Variants in ECPAS observed in about 807,000 individuals in gnomAD.
ECPAS encodes proteasome adapter and scaffold protein ECM29.
Under a neutral mutation model 255.1 loss-of-function variants are expected in ECPAS, and 70 were observed. The ratio of observed to expected loss-of-function variants is 0.27; its 90% CI spans 0.23 to 0.33. ECPAS has a LOEUF of 0.33. Ranked by LOEUF, ECPAS falls within the 10% of genes least tolerant of loss-of-function variation. ECPAS has a pLI of 1.00. For synonymous variants in ECPAS, 784 were observed against 775.0 expected (o/e 1.01, Z -0.19); for missense variants, 1,817 against 2,206.4 (o/e 0.82, Z 3.54).
intron 45 of ECPAS, among the ~76,000 whole-genome samples, chr9:111,369,630 T>C (rs1349044023): frequency 1.3e-5 from 2 of 152,182 alleles, no homozygotes; most frequent in Non-Finnish European, 2.9e-5. Flanking sequence ...ATTATTTAAA[T>C]AGCCTTATTA....
intron 4 of ECPAS, among the ~76,000 whole-genome samples, chr9:111,443,378 GTAGCTGGGA>G (rs2098248474): frequency 6.6e-6 from 1 of 152,086 alleles, no homozygotes; most frequent in Non-Finnish European, 1.5e-5. Context: ...AGTCTCCCAA[GTAGCTGGGA>G]CTACAGGCAC....
At chr9:111,423,048 C>A (rs1188025987) in intron 13 of ECPAS, 151 bp downstream of exon 13, 2 of 595,978 alleles carry the variant, frequency 3.4e-6, no homozygotes, top group African/African-American at 3.7e-5. Flanking sequence ...CTTTTTCCTT[C>A]TACACAGAAG....
intron 2 of ECPAS, among the ~76,000 whole-genome samples, chr9:111,467,289 A>T (rs2098280819): frequency 6.7e-6 from 1 of 150,334 alleles, no homozygotes; most frequent in Non-Finnish European, 1.5e-5. Flanking sequence ...GTTTCCTTTC[A>T]GGACAACCTG....
Position 111,391,737 on chromosome 9 carries a change from A to G in ECPAS, c.3161+19T>C. 1.3e-6 allele frequency: 2 copies of G among 1,500,244 alleles called. No homozygotes were observed. Among genetic ancestry groups the G allele is most frequent in the South Asian group, 1.2e-5 (1 of 86,516 alleles). The allele number at this position is 1,500,244 out of a possible 1,614,324, so 92.9% of individuals were successfully genotyped here. On this transcript the variant is annotated intron_variant, in intron 29 of 49. Coordinates refer to ENST00000684092, the MANE Select transcript of ECPAS (RefSeq NM_001364929.1). ...TATATTTAAAGATGTTTACCATTCA[A>G]TGGATTTAGCATACTTACCCATCTG...
Position 111,361,129 on chromosome 9 carries a change from CAG to C in ECPAS, c.*899_*900del, listed in dbSNP as rs1296736260. 1 of 152,156 alleles carries C rather than the reference CAG, an allele frequency of 6.6e-6. No homozygotes were observed. The highest frequency in any genetic ancestry group is 6.5e-5 in the Admixed American group (1 of 15,280). 9.4% of individuals were successfully genotyped at this position (152,156 alleles called of 1,614,324 possible). The stretch of plus-strand genomic sequence containing the variant: ...GTCATACTGGTAGCATAAAAGTGAA[CAG>C]AAATTTGTCATTACAGTTTTGACAT... On this transcript the variant is annotated 3_prime_UTR_variant, in exon 50 of 50. Transcript: ENST00000684092.
At chr9:111,391,513 G>A (rs759239255) in intron 29 of ECPAS, among the ~76,000 whole-genome samples, 30 of 151,502 alleles carry the variant, frequency 2.0e-4, no homozygotes, top group African/African-American at 5.1e-4. Flanking sequence ...CCCAGGAGGC[G>A]GAGGTTGCAG....
At chr9:111,424,161 A>G (rs768962251) in intron 12 of ECPAS, among the ~76,000 whole-genome samples, 9 of 152,212 alleles carry the variant, frequency 5.9e-5, no homozygotes, top group South Asian at 2.1e-4. Flanking sequence ...GCATCACTCA[A>G]TAGGAGAAAG....
intron 28 of ECPAS, 110 bp from the exon 29 acceptor site, chr9:111,391,934 T>G (rs1202407166): frequency 2.5e-6 from 2 of 793,800 alleles, no homozygotes; most frequent in Non-Finnish European, 4.2e-6. Flanking sequence ...GCATTTACTG[T>G]GTACAAGATA....
At chr9:111,466,758 G>A (rs1377611921) in intron 2 of ECPAS, among the ~76,000 whole-genome samples, 2 of 151,944 alleles carry the variant, frequency 1.3e-5, no homozygotes, top group African/African-American at 2.4e-5. Context: ...CCTCAGCCTT[G>A]GAAGTAGCTA....
chr9:111,423,533 C>T (rs2098217364), intron 12 of ECPAS, among the ~76,000 whole-genome samples: 1 of 152,198 alleles, frequency 6.6e-6, no homozygotes, highest in Non-Finnish European at 1.5e-5. Context: ...TGAAAGGTTT[C>T]TCTTAGCTGG....
At chr9:111,453,761 A>G (rs1283783219) in intron 2 of ECPAS, among the ~76,000 whole-genome samples, 1 of 152,156 alleles carries the variant, frequency 6.6e-6, no homozygotes, top group African/African-American at 2.4e-5. Context: ...CATGAGTACA[A>G]CAACAGAAAA....
Position 111,370,811 on chromosome 9 carries a change from C to G in ECPAS, c.4738-46G>C, listed in dbSNP as rs777054235. The G allele has an allele frequency of 2.6e-6, 4 of 1,515,260 alleles. No individual in the cohort carries two copies. The East Asian group carries it at 9.5e-5, about 36-fold the overall frequency. 93.9% of individuals were successfully genotyped at this position (1,515,260 alleles called of 1,614,324 possible). A position where few individuals can be genotyped will look rare whatever the true frequency, so the allele number is the denominator to read the frequency against. Reference sequence around the variant, plus strand: ...GAAATACTATTAAGCCCAAACATGTCATTTACACTGTCTAAACCATGATTA... The same window carrying G: ...GAAATACTATTAAGCCCAAACATGTGATTTACACTGTCTAAACCATGATTA... On this transcript the variant is annotated intron_variant, in intron 43 of 49. Coordinates refer to ENST00000684092, the MANE Select transcript of ECPAS (RefSeq NM_001364929.1).
At chr9:111,463,185 C>A (rs958976782) in intron 2 of ECPAS, among the ~76,000 whole-genome samples, 1 of 152,190 alleles carries the variant, frequency 6.6e-6, no homozygotes. Flanking sequence ...TCACTACAGT[C>A]GGCTGATAGA....
At chr9:111,483,678 C>CCCG (rs887146688) in intron 1 of ECPAS, 51 of 168,866 alleles carry the variant, frequency 3.0e-4, no homozygotes, top group Admixed American at 6.8e-4. Flanking sequence ...CCGAGGCCCG[C>CCCG]CCGCCGCCGC....
At position 111,369,101 on chromosome 9, in the gene ECPAS, G is replaced by A. The variant is rs1286728940; in HGVS notation, c.5047C>T (p.Leu1683=). 9 of 1,606,958 alleles carry A rather than the reference G, an allele frequency of 5.6e-6. No homozygotes were observed. Among genetic ancestry groups the A allele is most frequent in the Non-Finnish European group, 7.6e-6 (9 of 1,177,374 alleles). The stretch of plus-strand genomic sequence containing the variant: ...TCAAAGGCACCCAGCAGATATTCCA[G>A]CTGGAGCTCCTTTTCCTTTTCATTC... ...EENEKEKELQ[L]EYLLGAFESL... is the part of the protein sequence containing the mutation. Residue 1683 remains leucine (L), a synonymous_variant, in exon 46 of 50, where the codon CTG becomes TTG. Coordinates refer to ENST00000684092, the MANE Select transcript of ECPAS (RefSeq NM_001364929.1).
intron 1 of ECPAS, 169 bp downstream of exon 1, chr9:111,483,947 C>G: frequency 3.2e-6 from 3 of 940,556 alleles, no homozygotes; most frequent in South Asian, 4.7e-5. Flanking sequence ...CCTCGCGCGC[C>G]CGCCCGCCCT....
At chr9:111,444,916 G>A (rs567846347) in intron 3 of ECPAS, among the ~76,000 whole-genome samples, 8 of 149,614 alleles carry the variant, frequency 5.3e-5, no homozygotes, top group Admixed American at 3.3e-4. Context: ...GGCTGGTCTC[G>A]AACTCCTGAC....
intron 24 of ECPAS, among the ~76,000 whole-genome samples, chr9:111,403,209 A>T (rs2098178862): frequency 6.6e-6 from 1 of 151,428 alleles, no homozygotes; most frequent in Non-Finnish European, 1.5e-5. Flanking sequence ...AAAAAAAAAA[A>T]ATTAGCTGGG....
rs1191867570 is a variant in ECPAS at position 111,361,057 on chromosome 9, G to GT, written c.*972dup. The GT allele has an allele frequency of 6.6e-6, 1 of 152,170 alleles. No homozygotes were observed. The highest frequency in any genetic ancestry group is 2.4e-5 in the African/African-American group (1 of 41,458). 9.4% of individuals were successfully genotyped at this position (152,170 alleles called of 1,614,324 possible). A position where few individuals can be genotyped will look rare whatever the true frequency, so the allele number is the denominator to read the frequency against. On this transcript the variant is annotated 3_prime_UTR_variant, in exon 50 of 50. Coordinates refer to ENST00000684092, the MANE Select transcript of ECPAS (RefSeq NM_001364929.1). ...TTGAGAAAAGGCATTTTTTAAAAGAGTAATTCCCAGGTGGCTAATTAAAAG... is the reference window on the plus strand; with the variant it reads ...TTGAGAAAAGGCATTTTTTAAAAGAGTTAATTCCCAGGTGGCTAATTAAAAG...
Sources: allele counts gnomAD v4.1 joint callset (sites outside exome capture counted in the v4.1 genomes callset), GRCh38; gene constraint gnomAD v4.1.1; transcripts MANE v1.5; gene names NCBI Gene and HGNC (gene_info 2026-07-23, HGNC 2026-07-21).